The following CTNNA2 variants were observed in gnomAD, a reference collection of about 807,000 sequenced individuals.
The protein encoded by CTNNA2 is catenin alpha 2.
A neutral mutation model predicts 101.0 loss-of-function variants in CTNNA2; 42 were observed. The observed-to-expected ratio is 0.42, with a 90% CI of 0.32 to 0.54. The LOEUF (loss-of-function observed/expected upper bound fraction) is 0.54. Ranked by LOEUF, CTNNA2 falls within the 20% of genes least tolerant of loss-of-function variation. The pLI is 0.14. For missense variants in CTNNA2, 871 were observed against 1,223.1 expected, an observed-to-expected ratio of 0.71 and a Z score of 4.29; for synonymous variants, 450 against 456.4, an observed-to-expected ratio of 0.99 and a Z score of 0.18.
At chr2:80,136,849 C>G (rs1055577625) in intron 7 of CTNNA2, among the ~76,000 whole-genome samples, 5 of 152,168 alleles carry the variant, frequency 3.3e-5, no homozygotes, top group African/African-American at 2.4e-5. Flanking sequence ...CTCTGCCCAA[C>G]CTCTTTACTG....
intron 2 of CTNNA2, among the ~76,000 whole-genome samples, chr2:79,206,532 T>C (rs1289252387): frequency 6.6e-6 from 1 of 152,192 alleles, no homozygotes; most frequent in Non-Finnish European, 1.5e-5. Context: ...ACCTTCCTAT[T>C]CTTCTCCTCT....
chr2:80,618,760 C>T (rs1699057725), intron 17 of CTNNA2: 1 of 173,988 alleles, frequency 5.7e-6, no homozygotes, highest in African/African-American at 2.4e-5. Context: ...ATCTTCAACA[C>T]TTTAAATAGG....
intron 10 of CTNNA2, 130 bp downstream of exon 10, chr2:80,545,204 G>C (rs1473413067): frequency 1.2e-6 from 1 of 821,860 alleles, no homozygotes; most frequent in African/African-American, 1.7e-5. Context: ...GCTGTTTCAA[G>C]TTCTACCTTT....
At chr2:80,242,018 A>C (rs1045238351) in intron 7 of CTNNA2, among the ~76,000 whole-genome samples, 10 of 152,222 alleles carry the variant, frequency 6.6e-5, no homozygotes, top group Admixed American at 6.5e-4. Context: ...AATTTTAGAA[A>C]GAATGTTTTA....
chr2:80,163,172 A>T (rs1704439572), intron 7 of CTNNA2: 1 of 1,421,894 alleles, frequency 7.0e-7, no homozygotes, highest in Middle Eastern at 1.9e-4. Flanking sequence ...CTCGAAAAGG[A>T]GCTCCTCGGT....
At chr2:80,292,732 A>T (rs531104621) in intron 7 of CTNNA2, among the ~76,000 whole-genome samples, 2 of 152,304 alleles carry the variant, frequency 1.3e-5, no homozygotes, top group East Asian at 1.9e-4. Context: ...AAATGGTTCT[A>T]TTGTTCACTC....
intron 12 of CTNNA2, among the ~76,000 whole-genome samples, chr2:80,569,639 T>TGTTTTTTG (rs1694387600): frequency 2.2e-5 from 1 of 45,920 alleles, no homozygotes; most frequent in African/African-American, 1.0e-4. Context: ...TTAGGTTTTT[T>TGTTTTTTG]TTTTTTTTTT....
Position 80,647,962 on chromosome 2 carries a change from C to T in CTNNA2, c.*90C>T, listed in dbSNP as rs894577621. ...ATTTTTGTATGCATACCTGCCAGCT[C>T]GTATGCCTCTGGCATGGGGAAATTA... On this transcript the variant is annotated 3_prime_UTR_variant, in exon 19 of 19. Transcript: ENST00000402739. 65 of 1,254,194 alleles carry T rather than the reference C, an allele frequency of 5.2e-5. No homozygotes were observed. The highest frequency in any genetic ancestry group is 1.0e-4 in the Admixed American group (4 of 39,880). The allele number at this position is 1,254,194 out of a possible 1,614,324, so 77.7% of individuals were successfully genotyped here. A position where few individuals can be genotyped will look rare whatever the true frequency, so the allele number is the denominator to read the frequency against.
chr2:79,664,797 C>T (rs1388886010), intron 2 of CTNNA2, among the ~76,000 whole-genome samples: 1 of 150,258 alleles, frequency 6.7e-6, no homozygotes, highest in African/African-American at 2.5e-5. Flanking sequence ...CTGCAAACTC[C>T]GCCTCCCAGG....
At chr2:80,030,136 T>C (rs1695193439) in intron 7 of CTNNA2, among the ~76,000 whole-genome samples, 3 of 152,010 alleles carry the variant, frequency 2.0e-5, no homozygotes, top group African/African-American at 7.3e-5. Flanking sequence ...AAATTAGAAT[T>C]AATTTAAATG....
intron 4 of CTNNA2, among the ~76,000 whole-genome samples, chr2:79,464,674 T>C (rs1453445693): frequency 1.3e-5 from 2 of 152,172 alleles, no homozygotes; most frequent in Admixed American, 1.3e-4. Context: ...ATGATCGCCA[T>C]TCTAACTGGT....
At chr2:79,394,451 G>A (rs115126711) in intron 4 of CTNNA2, among the ~76,000 whole-genome samples, 197 of 152,272 alleles carry the variant, frequency 1.3e-3, no homozygotes, top group African/African-American at 4.4e-3. Flanking sequence ...TGGTAAATAC[G>A]TAACAGAAAC....
At chr2:79,834,322 A>T (rs550979640) in intron 3 of CTNNA2, among the ~76,000 whole-genome samples, 4 of 151,920 alleles carry the variant, frequency 2.6e-5, no homozygotes, top group African/African-American at 9.7e-5. Context: ...CTAGTAGTGG[A>T]TATTGTATTG....
intron 2 of CTNNA2, among the ~76,000 whole-genome samples, chr2:79,198,394 T>C (rs1234119511): frequency 6.6e-6 from 1 of 152,210 alleles, no homozygotes; most frequent in Non-Finnish European, 1.5e-5. Flanking sequence ...GAAGTTGTAT[T>C]TTCTCTAGAC....
intron 7 of CTNNA2, among the ~76,000 whole-genome samples, chr2:80,194,305 G>A (rs770693969): frequency 2.6e-5 from 4 of 152,150 alleles, no homozygotes; most frequent in African/African-American, 7.2e-5. Flanking sequence ...GCTTTAAGCC[G>A]TCATGCCAAG....
chr2:79,486,472 C>G (rs1191904441), intron 4 of CTNNA2, among the ~76,000 whole-genome samples: 1 of 152,114 alleles, frequency 6.6e-6, no homozygotes, highest in Non-Finnish European at 1.5e-5. Flanking sequence ...TCCAGTCTAT[C>G]ATTGTTGGAC....
rs746189807 is a variant in CTNNA2 at position 79,239,932 on chromosome 2, C to CT, written c.-406+41859dup. On this transcript the variant is annotated intron_variant, in intron 2 of 21. Coordinates refer to the CTNNA2 transcript ENST00000466387. ...ATACATTTAGGCCAGTTTTCTTTTT[C>CT]TTTCTTTTTTTTTTTTTGAGATGGA... Among the ~76,000 whole-genome samples the CT allele has an allele frequency of 9.2e-3, 1,004 of 109,266 alleles. 20 individuals carry two copies. The highest frequency in any genetic ancestry group is 0.027 in the African/African-American group (852 of 31,778). 71.7% of individuals were successfully genotyped at this position (109,266 alleles called of 152,430 possible). A position where few individuals can be genotyped will look rare whatever the true frequency, so the allele number is the denominator to read the frequency against.
Position 79,400,357 on chromosome 2 carries a change from A to G in CTNNA2, c.-135+26344A>G, listed in dbSNP as rs530892335. Among the ~76,000 whole-genome samples, 9 of 152,154 alleles carry G rather than the reference A, an allele frequency of 5.9e-5. No homozygotes were observed. The South Asian group carries it at 1.9e-3, about 32-fold the overall frequency. On this transcript the variant is annotated intron_variant, in intron 4 of 21. Coordinates refer to the CTNNA2 transcript ENST00000466387. Reference sequence around the variant, plus strand: ...GGCAGGTTGTCCCTAAGCAGCTCCCAGCTTGACTTTTCCCTTTGGCTTAGT... The same window carrying G: ...GGCAGGTTGTCCCTAAGCAGCTCCCGGCTTGACTTTTCCCTTTGGCTTAGT...
At chr2:80,436,100 G>C (rs1682000550) in intron 9 of CTNNA2, among the ~76,000 whole-genome samples, 1 of 152,176 alleles carries the variant, frequency 6.6e-6, no homozygotes, top group African/African-American at 2.4e-5. Flanking sequence ...AATATACAGA[G>C]GCAGGAAGAT....
Sources: allele counts gnomAD v4.1 joint callset (sites outside exome capture counted in the v4.1 genomes callset), GRCh38; gene constraint gnomAD v4.1.1; transcripts MANE v1.5; gene names NCBI Gene and HGNC (gene_info 2026-07-23, HGNC 2026-07-21).